The following GALNTL6 variants were observed in gnomAD, a reference collection of about 807,000 sequenced individuals.
GALNTL6 encodes the protein polypeptide N-acetylgalactosaminyltransferase like 6.
GALNTL6 carries 46 observed loss-of-function variants against 73.7 expected under a neutral mutation model. The observed-to-expected ratio is 0.62, with a 90% CI of 0.49 to 0.80. GALNTL6 has a LOEUF of 0.80. Ranked by LOEUF, GALNTL6 falls within the 30% of genes least tolerant of loss-of-function variation. The pLI is 0.00. For synonymous variants in GALNTL6, 259 were observed against 263.7 expected (o/e 0.98, Z 0.17); for missense variants, 604 against 755.0 (o/e 0.80, Z 2.34).
chr4:171,840,324 T>C (rs1735205969), intron 2 of GALNTL6, among the ~76,000 whole-genome samples: 1 of 152,192 alleles, frequency 6.6e-6, no homozygotes, highest in Non-Finnish European at 1.5e-5. Flanking sequence ...GTGCTGGCCT[T>C]AGGCCTGGGC....
chr4:173,009,330 C>A, intron 11 of GALNTL6, 36 bp downstream of exon 11: 1 of 1,166,584 alleles, frequency 8.6e-7, no homozygotes, highest in Non-Finnish European at 1.3e-6. Flanking sequence ...CAGTGGGAAC[C>A]AGTCGGGGGC....
chr4:172,824,301 A>G (rs1742108987), intron 7 of GALNTL6, among the ~76,000 whole-genome samples: 1 of 152,026 alleles, frequency 6.6e-6, no homozygotes, highest in African/African-American at 2.4e-5. Flanking sequence ...TTACTCTGCC[A>G]CAGAGAAAGA....
chr4:173,004,081 G>A (rs1340092700), intron 10 of GALNTL6, among the ~76,000 whole-genome samples: 1 of 152,128 alleles, frequency 6.6e-6, no homozygotes, highest in Non-Finnish European at 1.5e-5. Context: ...AGGCTGAAGA[G>A]GGAAGATCGC....
At chr4:172,211,968 C>A (rs1215739735) in intron 2 of GALNTL6, among the ~76,000 whole-genome samples, 2 of 152,136 alleles carry the variant, frequency 1.3e-5, no homozygotes, top group African/African-American at 4.8e-5. Flanking sequence ...TTGGGGAAAG[C>A]AACTTTCCGA....
At chr4:171,845,076 A>C (rs567069167) in intron 2 of GALNTL6, among the ~76,000 whole-genome samples, 1 of 152,308 alleles carries the variant, frequency 6.6e-6, no homozygotes, top group African/African-American at 2.4e-5. Context: ...TTCAGTCACT[A>C]ACTGGTTTGT....
At chr4:171,820,708 G>A (rs1253152806) in intron 2 of GALNTL6, among the ~76,000 whole-genome samples, 1 of 152,132 alleles carries the variant, frequency 6.6e-6, no homozygotes, top group Non-Finnish European at 1.5e-5. Flanking sequence ...CTCACAATGA[G>A]GATTTAGTCT....
chr4:172,772,600 C>A (rs1456734487), intron 5 of GALNTL6, among the ~76,000 whole-genome samples: 1 of 152,100 alleles, frequency 6.6e-6, no homozygotes, highest in Non-Finnish European at 1.5e-5. Context: ...ATCTATCCTT[C>A]ACCAGGTGGC....
intron 2 of GALNTL6, among the ~76,000 whole-genome samples, chr4:172,085,922 A>G (rs1238392208): frequency 1.3e-5 from 2 of 152,158 alleles, no homozygotes; most frequent in Non-Finnish European, 2.9e-5. Context: ...TATCTAGATT[A>G]GTGCTTTGCA....
At chr4:172,700,285 G>A (rs943483725) in intron 5 of GALNTL6, among the ~76,000 whole-genome samples, 2 of 152,058 alleles carry the variant, frequency 1.3e-5, no homozygotes, top group Non-Finnish European at 2.9e-5. Flanking sequence ...TATTGTTGAA[G>A]AAAAATGCAG....
intron 2 of GALNTL6, among the ~76,000 whole-genome samples, chr4:172,049,553 T>C (rs897905478): frequency 3.9e-5 from 6 of 152,212 alleles, no homozygotes; most frequent in African/African-American, 1.4e-4. Flanking sequence ...GAATTGCACA[T>C]AGAAGTTGTG....
intron 5 of GALNTL6, among the ~76,000 whole-genome samples, chr4:172,500,451 A>G (rs79830258): frequency 0.021 from 3,197 of 152,276 alleles, 99 homozygotes; most frequent in African/African-American, 0.072. Context: ...AAAACTAAAA[A>G]CAAAGAATTG....
intron 10 of GALNTL6, among the ~76,000 whole-genome samples, chr4:172,997,931 C>A (rs898781279): frequency 5.3e-5 from 8 of 152,158 alleles, no homozygotes; most frequent in African/African-American, 1.9e-4. Flanking sequence ...AGTGGCAAGA[C>A]ATGGCTTTAG....
At chr4:173,023,814 A>G (rs1162510457) in intron 12 of GALNTL6, among the ~76,000 whole-genome samples, 3 of 152,202 alleles carry the variant, frequency 2.0e-5, no homozygotes, top group Non-Finnish European at 2.9e-5. Flanking sequence ...AATGTATAAT[A>G]AATGATTCAT....
intron 2 of GALNTL6, among the ~76,000 whole-genome samples, chr4:171,875,908 A>C (rs1209173320): frequency 6.6e-6 from 1 of 151,430 alleles, no homozygotes; most frequent in Non-Finnish European, 1.5e-5. Context: ...GGGGTTAAAA[A>C]CCATGTTGTA....
intron 5 of GALNTL6, among the ~76,000 whole-genome samples, chr4:172,762,946 C>CTT (rs1738202958): frequency 6.6e-6 from 1 of 152,014 alleles, no homozygotes; most frequent in African/African-American, 2.4e-5. Flanking sequence ...TTTCTCTTTA[C>CTT]TTAAATAAAA....
chr4:171,867,543 C>T, intron 2 of GALNTL6, among the ~76,000 whole-genome samples: 1 of 152,172 alleles, frequency 6.6e-6, no homozygotes, highest in East Asian at 1.9e-4. Flanking sequence ...TCCCCGACAC[C>T]TCAATTCTAA....
chr4:172,221,785 A>G (rs1736683926), intron 2 of GALNTL6, among the ~76,000 whole-genome samples: 1 of 151,818 alleles, frequency 6.6e-6, no homozygotes, highest in South Asian at 2.1e-4. Context: ...GAGGGTCAGT[A>G]GCACAACTAT....
intron 5 of GALNTL6, among the ~76,000 whole-genome samples, chr4:172,580,439 T>A (rs1283177294): frequency 4.6e-5 from 7 of 152,124 alleles, no homozygotes; most frequent in Admixed American, 2.6e-4. Flanking sequence ...AAAGTAAATA[T>A]CAGATTGGAC....
intron 2 of GALNTL6, among the ~76,000 whole-genome samples, chr4:172,038,353 T>C (rs187489381): frequency 6.6e-6 from 1 of 152,150 alleles, no homozygotes; most frequent in African/African-American, 2.4e-5. Flanking sequence ...TTAAATAGAT[T>C]GTCTTTTCTT....
Sources: gnomAD v4.1 joint callset for allele counts (sites outside exome capture counted in the v4.1 genomes callset) on GRCh38, gnomAD v4.1.1 for gene constraint, MANE v1.5 for transcripts, NCBI Gene and HGNC (gene_info 2026-07-23, HGNC 2026-07-21) for gene names.